CRTC3: variants seen among roughly 807,000 people sequenced by gnomAD.
The protein encoded by CRTC3 is CREB-regulated transcription coactivator 3.
CRTC3 carries 26 observed loss-of-function variants against 74.5 expected under a neutral mutation model. The ratio of observed to expected loss-of-function variants is 0.35; its 90% CI spans 0.26 to 0.48. The LOEUF (loss-of-function observed/expected upper bound fraction) is 0.48. CRTC3 is among the 20% of genes least tolerant of loss of function. The pLI, the probability that CRTC3 is intolerant of heterozygous loss-of-function variation, is 0.99. For missense variants in CRTC3, 760 were observed against 787.3 expected (o/e 0.97, Z 0.41); for synonymous variants, 377 against 325.8 (o/e 1.16, Z -1.69).
chr15:90,626,611 C>CTTTTTTTTT lies in CRTC3; in HGVS notation c.967+628_967+636dup, dbSNP rs922457681. On this transcript the variant is annotated intron_variant, in intron 10 of 14. Coordinates refer to ENST00000268184, the MANE Select transcript of CRTC3 (RefSeq NM_022769.5). Reference sequence around the variant, plus strand: ...GACTACATTTGTTTGAAGCCTGACACTTTTTTTTTTTTTTTTTTGAGATGG... The same window carrying CTTTTTTTTT: ...GACTACATTTGTTTGAAGCCTGACACTTTTTTTTTTTTTTTTTTTTTTTTTTTGAGATGG... 4.9e-4 allele frequency among the ~76,000 whole-genome samples: 65 copies of CTTTTTTTTT among 133,410 alleles called. 3 individuals are homozygous for CTTTTTTTTT. The highest frequency in any genetic ancestry group is 1.8e-3 in the African/African-American group (60 of 34,162). The allele number at this position is 133,410 out of a possible 152,430, so 87.5% of individuals were successfully genotyped here.
chr15:90,619,117 TATTTC>T (rs1442662344), intron 8 of CRTC3, among the ~76,000 whole-genome samples: 1 of 152,262 alleles, frequency 6.6e-6, no homozygotes, highest in East Asian at 1.9e-4. Flanking sequence ...TTCTTTTATT[TATTTC>T]ATTTCCTCTC....
chr15:90,630,573 C>T (rs184770818), intron 11 of CRTC3, among the ~76,000 whole-genome samples: 225 of 152,178 alleles, frequency 1.5e-3, no homozygotes, highest in Admixed American at 2.3e-3. Context: ...AAGATAGCCT[C>T]ACTGCACTGT....
chr15:90,547,270 A>G (rs1424119719), intron 2 of CRTC3, among the ~76,000 whole-genome samples: 1 of 152,202 alleles, frequency 6.6e-6, no homozygotes, highest in Non-Finnish European at 1.5e-5. Flanking sequence ...TTTGCAATAT[A>G]TGATACATTG....
chr15:90,605,026 T>G (rs1968178246), intron 5 of CRTC3, among the ~76,000 whole-genome samples: 1 of 152,072 alleles, frequency 6.6e-6, no homozygotes, highest in Admixed American at 6.5e-5. Flanking sequence ...TTTGGGAGGC[T>G]GAGGCCAGAG....
chr15:90,572,915 CATAACTT>C (rs1210419823), intron 2 of CRTC3, among the ~76,000 whole-genome samples: 1 of 152,198 alleles, frequency 6.6e-6, no homozygotes, highest in Non-Finnish European at 1.5e-5. Context: ...TTAAAAAACA[CATAACTT>C]AAAACTTAAC....
chr15:90,634,542 T>C (rs754711738), intron 11 of CRTC3, among the ~76,000 whole-genome samples: 1 of 152,244 alleles, frequency 6.6e-6, no homozygotes, highest in East Asian at 1.9e-4. Context: ...CAACTACTTC[T>C]TCCTGCACAC....
At chr15:90,599,023 C>T (rs571904103) in intron 3 of CRTC3, 2 of 155,240 alleles carry the variant, frequency 1.3e-5, no homozygotes, top group African/African-American at 4.8e-5. Context: ...CAGGTGTGGC[C>T]TGAGGCTGCG....
intron 3 of CRTC3, among the ~76,000 whole-genome samples, chr15:90,601,669 A>G (rs1421702024): frequency 1.3e-5 from 2 of 152,090 alleles, no homozygotes; most frequent in African/African-American, 2.4e-5. Flanking sequence ...AAAAATAAAT[A>G]AGTACCAGGA....
intron 4 of CRTC3, chr15:90,604,172 C>G (rs917382458): frequency 1.2e-5 from 6 of 512,966 alleles, no homozygotes; most frequent in South Asian, 2.3e-5. Flanking sequence ...AGTTTTTATA[C>G]TGGAAATCAG....
chr15:90,638,817 T>C lies in CRTC3; in HGVS notation c.1548+2T>C. 6.2e-7 allele frequency: 1 copy of C among 1,612,812 alleles called. No homozygotes were observed. The highest frequency in any genetic ancestry group is 8.5e-7 in the Non-Finnish European group (1 of 1,178,934). On this transcript the variant is annotated splice_donor_variant, in intron 13 of 14. Coordinates refer to ENST00000268184, the MANE Select transcript of CRTC3 (RefSeq NM_022769.5). LOFTEE classifies it high-confidence loss of function. ...CCAGGCCCTGCCTTTCCTCAACAGGTGGGTGATCGCCCCTGCCTTCTCCTC... is the reference window on the plus strand; with the variant it reads ...CCAGGCCCTGCCTTTCCTCAACAGGCGGGTGATCGCCCCTGCCTTCTCCTC...
At chr15:90,625,409 A>G (rs539802592) in intron 9 of CRTC3, among the ~76,000 whole-genome samples, 1 of 152,384 alleles carries the variant, frequency 6.6e-6, no homozygotes, top group South Asian at 2.1e-4. Context: ...ACTCAGAGAT[A>G]CTTTTTCTGG....
At chr15:90,537,600 G>T (rs570066406) in intron 1 of CRTC3, among the ~76,000 whole-genome samples, 1 of 152,194 alleles carries the variant, frequency 6.6e-6, no homozygotes, top group South Asian at 2.1e-4. Flanking sequence ...TAGCCAGGAT[G>T]GTCTCGATCT....
intron 3 of CRTC3, chr15:90,598,176 G>C (rs914171875): frequency 3.4e-5 from 16 of 464,134 alleles, no homozygotes; most frequent in Non-Finnish European, 5.5e-5. Context: ...TGGCTTCCAG[G>C]CTGCCCCGAC....
chr15:90,622,006 C>T (rs554842942), intron 9 of CRTC3, among the ~76,000 whole-genome samples: 11 of 152,168 alleles, frequency 7.2e-5, no homozygotes, highest in South Asian at 2.1e-4. Flanking sequence ...CTGAAGGAGA[C>T]GCAACTGTGG....
chr15:90,581,816 G>A (rs181361929), intron 2 of CRTC3, among the ~76,000 whole-genome samples: 3 of 152,244 alleles, frequency 2.0e-5, no homozygotes, highest in Admixed American at 6.5e-5. Flanking sequence ...GAATCACAGC[G>A]GTGGATCTGG....
intron 2 of CRTC3, among the ~76,000 whole-genome samples, chr15:90,559,200 A>G (rs945608600): frequency 6.6e-6 from 1 of 152,346 alleles, no homozygotes; most frequent in Admixed American, 6.5e-5. Context: ...TCTTGAATGA[A>G]TGAATCAAAT....
intron 1 of CRTC3, among the ~76,000 whole-genome samples, chr15:90,534,547 C>A (rs999277069): frequency 3.6e-5 from 5 of 139,240 alleles, no homozygotes; most frequent in African/African-American, 1.3e-4. Flanking sequence ...TTGGTTTTGG[C>A]CCAAAATGTG....
At chr15:90,606,714 C>T (rs980876537) in intron 5 of CRTC3, 1 of 152,046 alleles carries the variant, frequency 6.6e-6, no homozygotes, top group Middle Eastern at 3.2e-3. Flanking sequence ...TACATGTTAA[C>T]ATAAATTATA....
chr15:90,622,054 C>G (rs1968669281), intron 9 of CRTC3, among the ~76,000 whole-genome samples: 1 of 152,120 alleles, frequency 6.6e-6, no homozygotes, highest in Non-Finnish European at 1.5e-5. Flanking sequence ...GTTGAGGAAA[C>G]CTTTCTGATA....
Sources: gnomAD v4.1 joint callset for allele counts (sites outside exome capture counted in the v4.1 genomes callset) on GRCh38, gnomAD v4.1.1 for gene constraint, MANE v1.5 for transcripts, NCBI Gene and HGNC (gene_info 2026-07-23, HGNC 2026-07-21) for gene names.